ZNF273: variants seen among roughly 807,000 people sequenced by gnomAD.
The protein encoded by ZNF273 is zinc finger protein 9.
Under a neutral mutation model 14.9 loss-of-function variants are expected in ZNF273, and 11 were observed. That is an observed-to-expected ratio of 0.74 (90% CI 0.46 to 1.22). The LOEUF (loss-of-function observed/expected upper bound fraction) is 1.22. ZNF273 is among the 50% of genes most tolerant of loss of function. ZNF273 has a pLI of 0.00. For missense variants in ZNF273, 577 were observed against 660.6 expected (o/e 0.87, Z 1.39); for synonymous variants, 199 against 223.9 (o/e 0.89, Z 0.99).
At chr7:64,912,826 GTTTTTTTT>G (rs71061324) in intron 1 of ZNF273, among the ~76,000 whole-genome samples, 21 of 36,576 alleles carry the variant, frequency 5.7e-4, no homozygotes, top group African/African-American at 1.6e-3. Flanking sequence ...ATTCATTTTA[GTTTTTTTT>G]TTTTTTTTTT....
chr7:64,903,493 A>G (rs1183719564), intron 1 of ZNF273, 74 bp downstream of exon 1: 5 of 1,420,338 alleles, frequency 3.5e-6, no homozygotes. Context: ...GGATGTGGCG[A>G]GACTCCGGCC....
intron 2 of ZNF273, among the ~76,000 whole-genome samples, 182 bp from the exon 3 acceptor site, chr7:64,918,015 G>A (rs1219167257): frequency 6.6e-6 from 1 of 152,088 alleles, no homozygotes; most frequent in East Asian, 1.9e-4. Flanking sequence ...GTACTGAGTA[G>A]TGAAATTAAG....
At chr7:64,916,270 C>T (rs370762511) in intron 1 of ZNF273, among the ~76,000 whole-genome samples, 2 of 151,092 alleles carry the variant, frequency 1.3e-5, no homozygotes, top group Admixed American at 6.6e-5. Flanking sequence ...ATAGGCACGT[C>T]GCTCACGCCT....
chr7:64,881,799 GA>G (rs1443460785), downstream of ZNF273, among the ~76,000 whole-genome samples: 2 of 152,200 alleles, frequency 1.3e-5, no homozygotes, highest in Admixed American at 1.3e-4. Context: ...AAGGATCCGT[GA>G]GCTTGACTTG....
chr7:64,904,155 C>A (rs1792926186), intron 1 of ZNF273, among the ~76,000 whole-genome samples: 2 of 152,156 alleles, frequency 1.3e-5, no homozygotes, highest in Non-Finnish European at 2.9e-5. Context: ...TGGCAGCCAT[C>A]TCGGCTCACT....
downstream of ZNF273, among the ~76,000 whole-genome samples, chr7:64,892,286 G>A (rs1308123625): frequency 6.6e-6 from 1 of 152,192 alleles, no homozygotes; most frequent in Non-Finnish European, 1.5e-5. Flanking sequence ...ATAAACACTG[G>A]AACCAGCTAG....
At chr7:64,887,294 C>T (rs1791647427) in intron 1 of ZNF273, among the ~76,000 whole-genome samples, 1 of 152,200 alleles carries the variant, frequency 6.6e-6, no homozygotes, top group Admixed American at 6.5e-5. Context: ...CCTTCCACAC[C>T]TCAGACCAGC....
chr7:64,905,469 G>A (rs1793042824), intron 1 of ZNF273, among the ~76,000 whole-genome samples: 1 of 127,554 alleles, frequency 7.8e-6, no homozygotes, highest in South Asian at 2.4e-4. Flanking sequence ...GAGACATTAA[G>A]ATTGTCTTCA....
chr7:64,884,552 C>T (rs543649932), downstream of ZNF273, among the ~76,000 whole-genome samples: 1 of 152,250 alleles, frequency 6.6e-6, no homozygotes, highest in Admixed American at 6.5e-5. Context: ...TCCTGCCTTA[C>T]CCAGACAGCC....
downstream of ZNF273, chr7:64,880,385 G>C (rs1791212443): frequency 6.6e-6 from 1 of 152,102 alleles, no homozygotes. Flanking sequence ...GTATTCCCTG[G>C]GGCTGCCCTC....
At chr7:64,887,115 G>T (rs1164846273) in intron 1 of ZNF273, among the ~76,000 whole-genome samples, 2 of 152,216 alleles carry the variant, frequency 1.3e-5, no homozygotes, top group African/African-American at 4.8e-5. Context: ...TCGGTACTTG[G>T]TTTGGACTGA....
At chr7:64,932,416 C>T (rs1035440292), downstream of ZNF273, among the ~76,000 whole-genome samples, 2 of 152,000 alleles carry the variant, frequency 1.3e-5, no homozygotes, top group African/African-American at 4.8e-5. Flanking sequence ...GTTTGATTCT[C>T]CTGTCACAGC....
At position 64,927,718 on chromosome 7, in the gene ZNF273, A is replaced by G. The variant is rs1365874812; in HGVS notation, c.390A>G (p.Lys130=). 7 of 1,608,144 alleles carry G rather than the reference A, an allele frequency of 4.4e-6. No individual in the cohort carries two copies. The highest frequency in any genetic ancestry group is 5.9e-6 in the Non-Finnish European group (7 of 1,178,498). ...AGGGCTTAAAAGATTCTTTTCAAAA[A>G]GTGATACTGAGAAGATATGGAAAAT... The part of the protein sequence containing the change: ...PKQGLKDSFQ[K]VILRRYGKYG... The change falls in exon 4 of 4, where the codon AAA becomes AAG. Residue 130 remains lysine (K), a synonymous_variant. Coordinates refer to ENST00000476120, the MANE Select transcript of ZNF273 (RefSeq NM_021148.3).
rs74833352 is a variant in ZNF273, at chr7:64,885,258, C to G, written n.273+2473C>G. Among the ~76,000 whole-genome samples, 1,499 of 152,374 alleles carry G rather than the reference C, an allele frequency of 9.8e-3. 27 individuals are homozygous for G. The highest frequency in any genetic ancestry group is 0.032 in the African/African-American group (1,343 of 41,590). On this transcript the variant is annotated intron_variant and non_coding_transcript_variant, in intron 1 of 1. Coordinates refer to the ZNF273 transcript ENST00000471926. ...GTGCCCCAAGGCCTCCCCAAGCCCTCTCTGTGGTCCTGGCTTTGCCTCCTC... is the reference window on the plus strand; with the variant it reads ...GTGCCCCAAGGCCTCCCCAAGCCCTGTCTGTGGTCCTGGCTTTGCCTCCTC...
chr7:64,913,546 T>C (rs903802637), intron 1 of ZNF273, among the ~76,000 whole-genome samples: 2 of 152,228 alleles, frequency 1.3e-5, no homozygotes, highest in Non-Finnish European at 2.9e-5. Context: ...TATTCAGACA[T>C]TGCTGCCTTC....
chr7:64,888,728 T>A, exon 2 of ZNF273: 1 of 984,936 alleles, frequency 1.0e-6, no homozygotes, highest in Non-Finnish European at 1.2e-6. Context: ...GATGGGAGAG[T>A]CCCGTTCACA....
At chr7:64,907,945 T>C (rs1218915800) in intron 1 of ZNF273, among the ~76,000 whole-genome samples, 1 of 152,174 alleles carries the variant, frequency 6.6e-6, no homozygotes, top group Non-Finnish European at 1.5e-5. Flanking sequence ...ACATACGCAC[T>C]AGACATTGAT....
rs762863213 is a variant in ZNF273 at position 64,916,369 on chromosome 7, G to GCAAAAA, written c.103-1212_103-1211insCAAAAA. Among the ~76,000 whole-genome samples, 4 of 135,122 alleles carry GCAAAAA rather than the reference G, an allele frequency of 3.0e-5. 1 individual carries two copies. Among genetic ancestry groups the GCAAAAA allele is most frequent in the East Asian group, 2.3e-4 (1 of 4,408 alleles). The allele number at this position is 135,122 out of a possible 152,430, so 88.6% of individuals were successfully genotyped here. On this transcript the variant is annotated intron_variant, in intron 1 of 3. Transcript: ENST00000476120. The stretch of plus-strand genomic sequence containing the variant: ...GTGAAACCCCATCTCTACTAAAAAT[G>GCAAAAA]TAAAAAAAAAAAAAAAAAAATTAGC...
intron 1 of ZNF273, chr7:64,917,002 A>C (rs1794054227): frequency 7.9e-7 from 1 of 1,263,394 alleles, no homozygotes; most frequent in South Asian, 1.3e-5. Context: ...TGTCTTTGGA[A>C]AATAAAGGCT....
Sources: gnomAD v4.1 joint callset for allele counts (sites outside exome capture counted in the v4.1 genomes callset) on GRCh38, gnomAD v4.1.1 for gene constraint, MANE v1.5 for transcripts, NCBI Gene and HGNC (gene_info 2026-07-23, HGNC 2026-07-21) for gene names.